Variants in CENPE observed in about 807,000 individuals in gnomAD.
CENPE encodes the protein centromere-associated protein E.
In CENPE, 145 loss-of-function variants were observed where a neutral mutation model predicts 336.1. The observed-to-expected ratio is 0.43, with a 90% CI of 0.38 to 0.50. CENPE has a LOEUF of 0.50. CENPE is among the 20% of genes least tolerant of loss of function. CENPE has a pLI of 0.00. For missense variants in CENPE, 2,719 were observed against 3,023.3 expected (o/e 0.90, Z 2.36); for synonymous variants, 1,013 against 984.8 (o/e 1.03, Z -0.54).
Position 103,162,840 on chromosome 4 carries a change from G to A in CENPE, c.1842+297C>T, listed in dbSNP as rs181232806. ...CCCAAAGTACTGGCATCACAGGGAT[G>A]AGCCACTGTGCCCTGGCCTAAAACT... On this transcript the variant is annotated intron_variant, in intron 18 of 48. Coordinates refer to ENST00000265148, the MANE Select transcript of CENPE (RefSeq NM_001813.3). 1.1e-3 allele frequency among the ~76,000 whole-genome samples: 168 copies of A among 152,236 alleles called. 2 individuals carry two copies. Among genetic ancestry groups the A allele is most frequent in the Admixed American group, 0.01 (156 of 15,278 alleles).
intron 3 of CENPE, 25 bp from the exon 4 acceptor site, chr4:103,196,063 G>A (rs779172268): frequency 6.3e-6 from 10 of 1,592,502 alleles, no homozygotes; most frequent in Middle Eastern, 1.7e-4. Flanking sequence ...ACACACATAC[G>A]CAAAGATTAA....
intron 45 of CENPE, among the ~76,000 whole-genome samples, chr4:103,115,306 G>A (rs1414013173): frequency 2.6e-5 from 4 of 151,690 alleles, no homozygotes; most frequent in South Asian, 2.1e-4. Context: ...GCTAATTTTT[G>A]TACTTTTAGT....
chr4:103,139,956 T>TGTG lies in CENPE; in HGVS notation c.6036_6037insCAC (p.Ser2012_Met2013insHis). 1 of 1,613,430 alleles carries TGTG rather than the reference T, an allele frequency of 6.2e-7. No individual in the cohort carries two copies. The highest frequency in any genetic ancestry group is 8.5e-7 in the Non-Finnish European group (1 of 1,179,646). On this transcript the variant is annotated inframe_insertion, in exon 38 of 49. Coordinates refer to ENST00000265148, the MANE Select transcript of CENPE (RefSeq NM_001813.3). ...AAGTTATCCATTCTCACACTTTGCA[T>TGTG]AGATAAGTTTTGGGCCTCAAATTGC...
At chr4:103,131,586 G>A (rs1360280790) in intron 42 of CENPE, among the ~76,000 whole-genome samples, 4 of 152,148 alleles carry the variant, frequency 2.6e-5, no homozygotes, top group African/African-American at 9.7e-5. Context: ...GTATGATCCA[G>A]AAATTGCATT....
chr4:103,117,189 A>G (rs573066737), intron 44 of CENPE, among the ~76,000 whole-genome samples: 4 of 152,336 alleles, frequency 2.6e-5, no homozygotes, highest in African/African-American at 4.8e-5. Context: ...AGGTTTCCAG[A>G]AAAATGGAAT....
chr4:103,124,101 A>G (rs776423149), intron 42 of CENPE, among the ~76,000 whole-genome samples: 7 of 152,220 alleles, frequency 4.6e-5, no homozygotes, highest in African/African-American at 9.6e-5. Context: ...ACTTTATCAT[A>G]GGTATGGATG....
intron 24 of CENPE, among the ~76,000 whole-genome samples, chr4:103,156,444 G>C (rs964016666): frequency 6.6e-6 from 1 of 152,142 alleles, no homozygotes; most frequent in Non-Finnish European, 1.5e-5. Context: ...TATGGTCACA[G>C]TATCTTCAAC....
At chr4:103,123,214 G>T in intron 42 of CENPE, 125 bp from the exon 43 acceptor site, 3 of 677,122 alleles carry the variant, frequency 4.4e-6, no homozygotes, top group Non-Finnish European at 7.6e-6. Flanking sequence ...TATTAAATGG[G>T]AAATTCCAGA....
chr4:103,174,679 G>A (rs1755703714), intron 16 of CENPE, 57 bp downstream of exon 16: 1 of 1,218,850 alleles, frequency 8.2e-7, no homozygotes, highest in Middle Eastern at 3.0e-4. Context: ...AGAAAAAAGA[G>A]AATACTTCTT....
intron 8 of CENPE, among the ~76,000 whole-genome samples, chr4:103,193,990 C>T (rs903175047): frequency 3.9e-5 from 6 of 152,022 alleles, no homozygotes; most frequent in Non-Finnish European, 7.4e-5. Flanking sequence ...CCCTATAGCC[C>T]TGACATTTAA....
intron 42 of CENPE, among the ~76,000 whole-genome samples, chr4:103,130,033 C>T (rs1201091837): frequency 6.6e-6 from 1 of 152,142 alleles, no homozygotes; most frequent in East Asian, 1.9e-4. Flanking sequence ...TAAAGAATGT[C>T]TACAAAAAAC....
rs745573075 is a variant in CENPE at position 103,160,712 on chromosome 4, A to G, written c.2199T>C (p.Val733=). ...CTTCCCGCAAAGCTTCATTTTCTTC[A>G]ACTTCTTTATTTAGTTCTTTCTGAA... ...TDLQKELNKE[V]EENEALREEV... The change falls in exon 21 of 49, where the codon GTT becomes GTC. Residue 733 remains valine, a synonymous_variant. Coordinates refer to ENST00000265148, the MANE Select transcript of CENPE (RefSeq NM_001813.3). 6.2e-7 allele frequency: 1 copy of G among 1,610,436 alleles called. No homozygotes were observed. The highest frequency in any genetic ancestry group is 8.5e-7 in the Non-Finnish European group (1 of 1,177,928).
intron 38 of CENPE, among the ~76,000 whole-genome samples, chr4:103,139,499 T>C (rs550779620): frequency 1.3e-5 from 2 of 152,286 alleles, no homozygotes; most frequent in East Asian, 3.9e-4. Context: ...TATTTCTCCA[T>C]TTAGAATAAT....
chr4:103,170,775 T>C (rs149622651), intron 16 of CENPE, among the ~76,000 whole-genome samples: 18 of 152,242 alleles, frequency 1.2e-4, no homozygotes, highest in Non-Finnish European at 2.6e-4. Flanking sequence ...AATCCAAATA[T>C]ATGCTGCCTG....
At chr4:103,196,550 A>C (rs887855927) in intron 2 of CENPE, among the ~76,000 whole-genome samples, 21 of 152,212 alleles carry the variant, frequency 1.4e-4, no homozygotes, top group African/African-American at 3.9e-4. Context: ...CCTAGATGCA[A>C]ATTAGATAAC....
At chr4:103,184,118 T>C (rs1273964643) in intron 9 of CENPE, among the ~76,000 whole-genome samples, 1 of 152,210 alleles carries the variant, frequency 6.6e-6, no homozygotes, top group Non-Finnish European at 1.5e-5. Context: ...CACAGGTGCA[T>C]TAATTAGCTA....
chr4:103,180,262 A>G (rs1209975392), intron 13 of CENPE, 49 bp downstream of exon 13: 2 of 1,514,080 alleles, frequency 1.3e-6, no homozygotes. Context: ...TAGAAATACC[A>G]ATTCTATTCT....
At position 103,163,470 on chromosome 4, in the gene CENPE, A is replaced by T; in HGVS notation, c.1722+9T>A. The T allele has an allele frequency of 6.4e-7, 1 of 1,574,766 alleles. No individual in the cohort carries two copies. Among genetic ancestry groups the T allele is most frequent in the South Asian group, 1.1e-5 (1 of 88,058 alleles). On this transcript the variant is annotated intron_variant, in intron 17 of 48. Transcript: ENST00000265148. ...GCTTATCAATAGAAATACCAACATG[A>T]ATGCTCACCTCAAGATCTTGATTAT...
In CENPE at chr4:103,141,336, G is replaced by A. The variant is rs1752541589; in HGVS notation, c.5464-232C>T. Among the ~76,000 whole-genome samples the A allele has an allele frequency of 1.3e-5, 2 of 152,054 alleles. 1 individual carries two copies. The highest frequency in any genetic ancestry group is 4.1e-4 in the South Asian group (2 of 4,828). The stretch of plus-strand genomic sequence containing the variant: ...TGTAAATCTATGAAACTACAACCCA[G>A]ATTAAAACAGAGAATATTTCTAGCA... On this transcript the variant is annotated intron_variant, in intron 35 of 48. Coordinates refer to ENST00000265148, the MANE Select transcript of CENPE (RefSeq NM_001813.3).
Sources: allele counts gnomAD v4.1 joint callset (sites outside exome capture counted in the v4.1 genomes callset), GRCh38; gene constraint gnomAD v4.1.1; transcripts MANE v1.5; gene names NCBI Gene and HGNC (gene_info 2026-07-23, HGNC 2026-07-21).